Variants in CNIH3 observed in about 807,000 individuals in gnomAD.
CNIH3 encodes protein cornichon homolog 3.
Under a neutral mutation model 24.1 loss-of-function variants are expected in CNIH3, and 14 were observed. That is an observed-to-expected ratio of 0.58 (90% CI 0.38 to 0.91). The LOEUF (loss-of-function observed/expected upper bound fraction) is 0.91, where lower values mean the gene tolerates loss of function less well. CNIH3 is among the 40% of genes least tolerant of loss of function. The pLI, the probability that CNIH3 is intolerant of heterozygous loss-of-function variation, is 0.00. For synonymous variants in CNIH3, 68 were observed against 73.8 expected (o/e 0.92, Z 0.40); for missense variants, 178 against 196.8 (o/e 0.90, Z 0.57).
At chr1:224,646,972 A>G (rs553282563) in intron 1 of CNIH3, among the ~76,000 whole-genome samples, 1 of 152,116 alleles carries the variant, frequency 6.6e-6, no homozygotes, top group Admixed American at 6.5e-5. Context: ...TGTCACACAC[A>G]TGGCCCCGTC....
intron 3 of CNIH3, among the ~76,000 whole-genome samples, chr1:224,713,829 T>A (rs2125206954): frequency 6.6e-6 from 1 of 152,334 alleles, no homozygotes; most frequent in Admixed American, 6.5e-5. Context: ...AAATTTTTAT[T>A]TTTTGAGACA....
At chr1:224,665,409 T>C (rs1425202876) in intron 1 of CNIH3, among the ~76,000 whole-genome samples, 2 of 152,246 alleles carry the variant, frequency 1.3e-5, no homozygotes, top group Non-Finnish European at 2.9e-5. Context: ...TAAAACGTTT[T>C]ATATTTGCTC....
intron 5 of CNIH3, among the ~76,000 whole-genome samples, chr1:224,736,069 C>G (rs1377177070): frequency 6.6e-6 from 1 of 152,156 alleles, no homozygotes; most frequent in African/African-American, 2.4e-5. Context: ...TGAATTCCAG[C>G]TATTAGTGTC....
At chr1:224,660,419 C>T (rs1219685882) in intron 1 of CNIH3, among the ~76,000 whole-genome samples, 1 of 152,046 alleles carries the variant, frequency 6.6e-6, no homozygotes, top group Non-Finnish European at 1.5e-5. Flanking sequence ...TGGTTGGGGA[C>T]ACAGCCAAAC....
chr1:224,625,071 A>G (rs1683454855), intron 1 of CNIH3, among the ~76,000 whole-genome samples: 1 of 152,166 alleles, frequency 6.6e-6, no homozygotes, highest in Non-Finnish European at 1.5e-5. Context: ...TGGAGGGCAG[A>G]AACTGTTGCC....
chr1:224,588,968 G>GTTTTTTT (rs974335950), downstream of CNIH3, among the ~76,000 whole-genome samples: 6 of 112,346 alleles, frequency 5.3e-5, no homozygotes, highest in African/African-American at 7.5e-5. Context: ...CTGACCCCCT[G>GTTTTTTT]TTTTTTTTTT....
chr1:224,682,715 A>G (rs573721310), intron 2 of CNIH3, among the ~76,000 whole-genome samples: 92 of 152,314 alleles, frequency 6.0e-4, no homozygotes, highest in African/African-American at 2.2e-3. Flanking sequence ...TGGCCTGTCA[A>G]TATCTACCAG....
chr1:224,627,279 T>A (rs1192989991), intron 1 of CNIH3, among the ~76,000 whole-genome samples: 1 of 151,902 alleles, frequency 6.6e-6, no homozygotes, highest in African/African-American at 2.4e-5. Flanking sequence ...CAGGCTGGAG[T>A]GCAGTGATGT....
intron 1 of CNIH3, among the ~76,000 whole-genome samples, chr1:224,487,427 A>G (rs1486989665): frequency 6.6e-6 from 1 of 152,056 alleles, no homozygotes; most frequent in Admixed American, 6.5e-5. Context: ...TCTCACACAC[A>G]CATATTCCTT....
At chr1:224,590,440 G>T (rs1681703635), downstream of CNIH3, among the ~76,000 whole-genome samples, 1 of 152,114 alleles carries the variant, frequency 6.6e-6, no homozygotes, top group Non-Finnish European at 1.5e-5. Flanking sequence ...TGTTTGTGCT[G>T]CTATATCAGA....
chr1:224,517,837 C>A (rs114949872), intron 1 of CNIH3, among the ~76,000 whole-genome samples: 262 of 152,212 alleles, frequency 1.7e-3, no homozygotes, highest in African/African-American at 5.5e-3. Flanking sequence ...CTGAGCAAAT[C>A]TTTGCTGAGG....
In CNIH3 at chr1:224,581,481, T is replaced by C. The variant is rs1397247217; in HGVS notation, n.517-1683T>C. On this transcript the variant is annotated intron_variant and non_coding_transcript_variant, in intron 4 of 5. Coordinates refer to the CNIH3 transcript ENST00000471578. ...CTATGTCTTGATTAATCTGATTGTG[T>C]GTATTGACTAATTGAGTGGTACAAA... Among the ~76,000 whole-genome samples the C allele has an allele frequency of 2.0e-5, 3 of 152,234 alleles. No individual in the cohort carries two copies. The East Asian group carries it at 5.8e-4, about 29-fold the overall frequency.
chr1:224,612,712 G>GA (rs1262291141), upstream of CNIH3, among the ~76,000 whole-genome samples: 1 of 152,144 alleles, frequency 6.6e-6, no homozygotes, highest in East Asian at 1.9e-4. The surrounding 1 kb of genome is among the most constrained non-coding windows in gnomAD (Gnocchi z 4.7). Context: ...ATGACTGTAA[G>GA]AAAACTTTTC....
intron 1 of CNIH3, among the ~76,000 whole-genome samples, chr1:224,485,687 C>T (rs1263419413): frequency 6.6e-6 from 1 of 152,168 alleles, no homozygotes; most frequent in Admixed American, 6.5e-5. Context: ...GAGATAGAAT[C>T]TCACTATGTT....
At chr1:224,459,967 C>A (rs1469619387) in intron 1 of CNIH3, among the ~76,000 whole-genome samples, 1 of 149,832 alleles carries the variant, frequency 6.7e-6, no homozygotes, top group East Asian at 2.0e-4. Flanking sequence ...GCCTCAACTT[C>A]CTGGGCTCAA....
intron 1 of CNIH3, chr1:224,454,437 C>A: frequency 2.0e-6 from 1 of 508,444 alleles, no homozygotes; most frequent in Non-Finnish European, 2.5e-6. Context: ...TCTCTTGTTT[C>A]TATTGGTGTA....
chr1:224,500,908 C>G (rs1572368385), intron 1 of CNIH3, among the ~76,000 whole-genome samples: 1 of 152,192 alleles, frequency 6.6e-6, no homozygotes, highest in South Asian at 2.1e-4. Context: ...GGGGCTGGAA[C>G]CCGAGGAAGC....
rs186951926 is a variant in CNIH3 at position 224,475,877 on chromosome 1, A to G, written n.204-39864A>G. Among the ~76,000 whole-genome samples, 322 of 152,360 alleles carry G rather than the reference A, an allele frequency of 2.1e-3. 2 individuals carry two copies. Among genetic ancestry groups the G allele is most frequent in the Non-Finnish European group, 3.7e-3 (249 of 68,032 alleles). On this transcript the variant is annotated intron_variant and non_coding_transcript_variant, in intron 1 of 5. Coordinates refer to the CNIH3 transcript ENST00000471578. ...AGTAGAAAACCAAATTCAACAACAC[A>G]TTAAAAAAAGCATTCATCATTACCA...
At chr1:224,440,107 G>C (rs914098258) in intron 1 of CNIH3, among the ~76,000 whole-genome samples, 17 of 152,330 alleles carry the variant, frequency 1.1e-4, no homozygotes, top group Middle Eastern at 3.4e-3. Context: ...ATTTTTAGTA[G>C]AGATGGGGTT....
Sources: gnomAD v4.1 joint callset for allele counts (sites outside exome capture counted in the v4.1 genomes callset) on GRCh38, gnomAD v4.1.1 for gene constraint, Gnocchi (gnomAD v3.1) non-coding constraint, MANE v1.5 for transcripts, NCBI Gene and HGNC (gene_info 2026-07-23, HGNC 2026-07-21) for gene names.